RABGAP1: variants seen among roughly 807,000 people sequenced by gnomAD.
RABGAP1 encodes rab GTPase-activating protein 1.
RABGAP1 carries 23 observed loss-of-function variants against 137.6 expected under a neutral mutation model. The ratio of observed to expected loss-of-function variants is 0.17; its 90% CI spans 0.12 to 0.24. RABGAP1 has a LOEUF of 0.24. Among genes scored for constraint, RABGAP1 ranks in the 10% least tolerant of loss-of-function variants. RABGAP1 has a pLI of 1.00. For synonymous variants in RABGAP1, 451 were observed against 450.7 expected, an observed-to-expected ratio of 1.00 and a Z score of -0.01; for missense variants, 906 against 1,275.8, an observed-to-expected ratio of 0.71 and a Z score of 4.42.
intron 10 of RABGAP1, among the ~76,000 whole-genome samples, chr9:123,001,592 T>G (rs1837328153): frequency 6.6e-6 from 1 of 152,176 alleles, no homozygotes; most frequent in Non-Finnish European, 1.5e-5. Context: ...CTCTTCATTG[T>G]AGCAGGAGCA....
At chr9:123,042,871 T>C (rs538933798) in intron 13 of RABGAP1, among the ~76,000 whole-genome samples, 20 of 152,238 alleles carry the variant, frequency 1.3e-4, no homozygotes, top group Non-Finnish European at 2.9e-5. Context: ...CAAATTGTTA[T>C]AAAATTTCAG....
chr9:123,075,505 A>G (rs916709559), intron 17 of RABGAP1, among the ~76,000 whole-genome samples: 2 of 152,318 alleles, frequency 1.3e-5, no homozygotes, highest in South Asian at 4.1e-4. Flanking sequence ...AATAAATATT[A>G]CCAAATATGC....
chr9:122,998,521 G>T, intron 9 of RABGAP1, 76 bp from the exon 10 acceptor site: 1 of 1,187,854 alleles, frequency 8.4e-7, no homozygotes, highest in Non-Finnish European at 1.2e-6. Flanking sequence ...AAAAGTAATA[G>T]CTTTTATGGA....
At chr9:123,032,744 C>T (rs2032372529) in intron 13 of RABGAP1, among the ~76,000 whole-genome samples, 1 of 152,100 alleles carries the variant, frequency 6.6e-6, no homozygotes, top group Non-Finnish European at 1.5e-5. Flanking sequence ...TTCATAGCAC[C>T]CAACTCTGTT....
intron 12 of RABGAP1, among the ~76,000 whole-genome samples, chr9:123,018,613 A>G (rs2031406134): frequency 6.6e-6 from 1 of 152,216 alleles, no homozygotes; most frequent in Non-Finnish European, 1.5e-5. Flanking sequence ...CAGCAGAACT[A>G]TGTCTGTTCT....
rs182410983 is a variant in RABGAP1 at position 122,994,180 on chromosome 9, T to C, written c.924-1861T>C. 1.6e-4 allele frequency among the ~76,000 whole-genome samples: 24 copies of C among 152,290 alleles called. No individual in the cohort carries two copies. The East Asian group carries it at 4.2e-3, about 27-fold the overall frequency. ...TGGATACATTCACATGATGTAGTTA[T>C]TAGACCAGAAATATGATCTAGGACC... is the stretch of plus-strand genomic sequence containing the variant. On this transcript the variant is annotated intron_variant, in intron 6 of 25. Transcript: ENST00000373647.
chr9:122,998,542 C>A, intron 9 of RABGAP1, 55 bp from the exon 10 acceptor site: 1 of 1,281,242 alleles, frequency 7.8e-7, no homozygotes, highest in South Asian at 2.0e-5. Flanking sequence ...ATCTTATGAG[C>A]AAATATATTT....
chr9:123,048,072 C>T (rs931486994), intron 13 of RABGAP1, among the ~76,000 whole-genome samples: 12 of 150,860 alleles, frequency 8.0e-5, no homozygotes, highest in Admixed American at 2.0e-4. Context: ...CCTGAGAAGC[C>T]GGGATTACAG....
intron 13 of RABGAP1, among the ~76,000 whole-genome samples, chr9:123,040,285 A>G (rs1285223278): frequency 6.6e-6 from 1 of 152,208 alleles, no homozygotes; most frequent in African/African-American, 2.4e-5. Flanking sequence ...GGTGTATAAA[A>G]TCATGTCACT....
At chr9:123,063,758 A>G (rs1460620042) in intron 13 of RABGAP1, among the ~76,000 whole-genome samples, 2 of 152,208 alleles carry the variant, frequency 1.3e-5, no homozygotes, top group African/African-American at 2.4e-5. Context: ...GGAGAGTTAT[A>G]TATTCTGGAT....
Position 122,986,271 on chromosome 9 carries a change from A to G in RABGAP1, c.442A>G (p.Ser148Gly). The change falls in exon 4 of 26, where the codon AGT becomes GGT. Residue 148 changes from serine (S) to glycine (G), a missense_variant. Ser to Gly is a moderately conservative substitution (Grantham distance 56). Around this residue, in one of 9 missense-constraint regions of RABGAP1, gnomAD observed 331 missense variants for 358.3 expected, o/e 0.92. Transcript: ENST00000373647. ...PVADEDSVVF[S>G]KLTYLGCASV... is the part of the protein sequence containing the mutation. ...GGCCGATGAGGACAGCGTAGTTTTC[A>G]GTAAACTGACTTACTTAGGCTGTGC... The G allele has an allele frequency of 6.2e-7, 1 of 1,614,214 alleles. No homozygotes were observed. Among genetic ancestry groups the G allele is most frequent in the Non-Finnish European group, 8.5e-7 (1 of 1,180,030 alleles).
chr9:122,989,145 C>T, intron 4 of RABGAP1, 152 bp from the exon 5 acceptor site: 3 of 705,800 alleles, frequency 4.3e-6, no homozygotes, highest in East Asian at 5.1e-5. Context: ...CCGGAATTCA[C>T]ATATGAGTTA....
At chr9:122,959,852 C>T (rs1003165613) in intron 2 of RABGAP1, among the ~76,000 whole-genome samples, 6 of 152,182 alleles carry the variant, frequency 3.9e-5, no homozygotes, top group Non-Finnish European at 7.3e-5. Context: ...TCTGCCCAGC[C>T]CCTGCTCCTG....
intron 10 of RABGAP1, among the ~76,000 whole-genome samples, chr9:123,004,167 T>G (rs10985855): frequency 0.067 from 10,153 of 152,302 alleles, 400 homozygotes; most frequent in African/African-American, 0.083. Flanking sequence ...ATGGGAAGTG[T>G]GATCACTTAA....
At chr9:123,032,289 A>G (rs976047562) in intron 13 of RABGAP1, among the ~76,000 whole-genome samples, 1 of 152,232 alleles carries the variant, frequency 6.6e-6, no homozygotes, top group African/African-American at 2.4e-5. Context: ...CATTTTACAG[A>G]TGATGAAACA....
At chr9:123,049,603 GCCA>G (rs1449859998) in intron 13 of RABGAP1, among the ~76,000 whole-genome samples, 4 of 152,150 alleles carry the variant, frequency 2.6e-5, no homozygotes, top group Non-Finnish European at 5.9e-5. Context: ...CAGTTTTTCT[GCCA>G]CCTGATTTCT....
chr9:122,956,740 A>G (rs903707674), intron 1 of RABGAP1, among the ~76,000 whole-genome samples: 24 of 152,210 alleles, frequency 1.6e-4, no homozygotes, highest in African/African-American at 5.8e-4. Context: ...AACTTAGCCC[A>G]AAGAAATCAC....
intron 13 of RABGAP1, among the ~76,000 whole-genome samples, chr9:123,023,779 A>T (rs1358340141): frequency 6.6e-6 from 1 of 152,222 alleles, no homozygotes; most frequent in Non-Finnish European, 1.5e-5. Flanking sequence ...GTGTATATAT[A>T]TATACACACC....
intron 1 of RABGAP1, among the ~76,000 whole-genome samples, chr9:122,944,160 C>T (rs539403536): frequency 6.6e-6 from 1 of 151,834 alleles, no homozygotes; most frequent in African/African-American, 2.4e-5. Context: ...ATAATGTTAT[C>T]TTTGTAATTT....
Sources: gnomAD v4.1 joint callset for allele counts (sites outside exome capture counted in the v4.1 genomes callset) on GRCh38, gnomAD v4.1.1 for gene constraint, gnomAD v4.1.1 regional missense constraint, MANE v1.5 for transcripts, NCBI Gene and HGNC (gene_info 2026-07-23, HGNC 2026-07-21) for gene names.